Variants in ATP6V1C1 observed in about 807,000 individuals in gnomAD.
ATP6V1C1 encodes ATPase H+ transporting V1 subunit C1.
A neutral mutation model predicts 53.9 loss-of-function variants in ATP6V1C1; 45 were observed. That is an observed-to-expected ratio of 0.83 (90% CI 0.66 to 1.07). The LOEUF (loss-of-function observed/expected upper bound fraction) is 1.07, where lower values mean the gene tolerates loss of function less well. Among genes scored for constraint, ATP6V1C1 ranks in the 50% least tolerant of loss-of-function variants. ATP6V1C1 has a pLI of 0.00. For synonymous variants in ATP6V1C1, 153 were observed against 155.2 expected (o/e 0.99, Z 0.11); for missense variants, 315 against 440.3 (o/e 0.72, Z 2.55).
chr8:103,034,637 T>C (rs1816859832), intron 1 of ATP6V1C1, among the ~76,000 whole-genome samples: 1 of 151,934 alleles, frequency 6.6e-6, no homozygotes, highest in Admixed American at 6.6e-5. Flanking sequence ...GGCTCCATCT[T>C]GGCTCACTGC....
chr8:103,027,857 C>T (rs933559149), intron 1 of ATP6V1C1, among the ~76,000 whole-genome samples: 1 of 152,134 alleles, frequency 6.6e-6, no homozygotes, highest in African/African-American at 2.4e-5. Context: ...CCTGCACACA[C>T]ACAGACCTGC....
At chr8:103,064,552 GGT>G (rs1408374042) in intron 10 of ATP6V1C1, 160 bp from the exon 11 acceptor site, 1 of 543,788 alleles carries the variant, frequency 1.8e-6, no homozygotes, top group Non-Finnish European at 3.1e-6. Context: ...TTTAAGATAA[GGT>G]ATCTGAGATA....
At chr8:103,049,123 T>C (rs577179391) in intron 4 of ATP6V1C1, among the ~76,000 whole-genome samples, 168 bp downstream of exon 4, 1 of 152,356 alleles carries the variant, frequency 6.6e-6, no homozygotes, top group Admixed American at 6.5e-5. Flanking sequence ...TCCAGGTACA[T>C]CCTGTTCCCT....
intron 1 of ATP6V1C1, among the ~76,000 whole-genome samples, chr8:103,033,638 A>G (rs892366244): frequency 2.6e-5 from 4 of 152,246 alleles, no homozygotes; most frequent in Non-Finnish European, 5.9e-5. Context: ...ATGAGAGCAT[A>G]TAATACATTC....
At chr8:103,066,144 A>T (rs183198289) in intron 11 of ATP6V1C1, among the ~76,000 whole-genome samples, 177 bp from the exon 12 acceptor site, 2 of 152,210 alleles carry the variant, frequency 1.3e-5, no homozygotes, top group East Asian at 3.9e-4. Flanking sequence ...TTTATATTGA[A>T]GTTTTTTGTG....
chr8:103,034,266 TCTC>T (rs1816852066), intron 1 of ATP6V1C1, among the ~76,000 whole-genome samples: 1 of 152,160 alleles, frequency 6.6e-6, no homozygotes, highest in Non-Finnish European at 1.5e-5. Context: ...TTGATCATCA[TCTC>T]CTCTGTTTAG....
rs34987267 is a variant in ATP6V1C1, at chr8:103,040,413, CA to C, written c.-39-371del. 1.2e-3 allele frequency among the ~76,000 whole-genome samples: 159 copies of C among 132,174 alleles called. 1 individual carries two copies. The highest frequency in any genetic ancestry group is 5.6e-3 in the East Asian group (26 of 4,616). 86.7% of individuals were successfully genotyped at this position (132,174 alleles called of 152,430 possible). A position where few individuals can be genotyped will look rare whatever the true frequency, so the allele number is the denominator to read the frequency against. The stretch of plus-strand genomic sequence containing the variant: ...TGGGCGACAGAGTGAGACACTGTCT[CA>C]AAAAAAAAAAAAAGTTTAAGATAAA... On this transcript the variant is annotated intron_variant, in intron 1 of 12. Transcript: ENST00000518738.
chr8:103,054,309 G>A (rs774908240), intron 7 of ATP6V1C1, among the ~76,000 whole-genome samples: 1 of 152,008 alleles, frequency 6.6e-6, no homozygotes, highest in East Asian at 1.9e-4. Flanking sequence ...AGGTCTTTGC[G>A]TTTTTTTCCT....
intron 7 of ATP6V1C1, 36 bp from the exon 8 acceptor site, chr8:103,055,832 T>A (rs1411689518): frequency 6.3e-7 from 1 of 1,590,308 alleles, no homozygotes; most frequent in Non-Finnish European, 8.6e-7. Context: ...TAGGACTTGT[T>A]TTTCTTTTCC....
At chr8:103,067,314 G>A (rs1040320491) in intron 12 of ATP6V1C1, among the ~76,000 whole-genome samples, 3 of 149,164 alleles carry the variant, frequency 2.0e-5, no homozygotes, top group Admixed American at 2.0e-4. Flanking sequence ...CAGGAGAATC[G>A]CTTGAACCTC....
intron 3 of ATP6V1C1, among the ~76,000 whole-genome samples, chr8:103,042,879 C>T (rs1817026253): frequency 6.6e-6 from 1 of 152,114 alleles, no homozygotes; most frequent in Admixed American, 6.5e-5. Flanking sequence ...TCTTCTTTTG[C>T]TTAGCATAAT....
At chr8:103,068,224 C>T (rs1248500277) in intron 12 of ATP6V1C1, among the ~76,000 whole-genome samples, 1 of 152,162 alleles carries the variant, frequency 6.6e-6, no homozygotes, top group Admixed American at 6.5e-5. Flanking sequence ...GGGCTCAAGG[C>T]CTTGGCCTCT....
At chr8:103,057,405 C>A (rs887770640) in intron 8 of ATP6V1C1, among the ~76,000 whole-genome samples, 1 of 152,320 alleles carries the variant, frequency 6.6e-6, no homozygotes, top group South Asian at 2.1e-4. Flanking sequence ...TACTTCTATG[C>A]GAATGAAGAC....
intron 4 of ATP6V1C1, among the ~76,000 whole-genome samples, chr8:103,050,549 C>T: frequency 6.6e-6 from 1 of 152,090 alleles, no homozygotes; most frequent in East Asian, 1.9e-4. Context: ...TTTTTTAGCT[C>T]TACATGTTTT....
intron 1 of ATP6V1C1, among the ~76,000 whole-genome samples, chr8:103,034,248 G>A (rs1275437639): frequency 6.6e-6 from 1 of 152,102 alleles, no homozygotes; most frequent in Non-Finnish European, 1.5e-5. Context: ...TTTAATCAGG[G>A]TGCCTTTTTG....
At chr8:103,030,979 A>G (rs968733482) in intron 1 of ATP6V1C1, among the ~76,000 whole-genome samples, 1 of 152,172 alleles carries the variant, frequency 6.6e-6, no homozygotes, top group African/African-American at 2.4e-5. Context: ...CCTTAGATCT[A>G]TCCTAACAAT....
chr8:103,065,311 C>G (rs936758772), intron 11 of ATP6V1C1, among the ~76,000 whole-genome samples: 1 of 152,204 alleles, frequency 6.6e-6, no homozygotes, highest in Admixed American at 6.5e-5. Context: ...AATCCCAGCA[C>G]TTTGGGAGGC....
intron 3 of ATP6V1C1, among the ~76,000 whole-genome samples, chr8:103,045,507 G>C (rs939928348): frequency 6.6e-6 from 1 of 152,016 alleles, no homozygotes; most frequent in Non-Finnish European, 1.5e-5. Context: ...GCAACTTTTA[G>C]GATTATAATT....
chr8:103,029,141 T>C (rs779041773), intron 1 of ATP6V1C1, among the ~76,000 whole-genome samples: 2 of 152,192 alleles, frequency 1.3e-5, no homozygotes, highest in Non-Finnish European at 2.9e-5. Flanking sequence ...CATATCCTTA[T>C]TTTCTTTCTT....
Sources: gnomAD v4.1 joint callset for allele counts (sites outside exome capture counted in the v4.1 genomes callset) on GRCh38, gnomAD v4.1.1 for gene constraint, MANE v1.5 for transcripts, NCBI Gene and HGNC (gene_info 2026-07-23, HGNC 2026-07-21) for gene names.